KCNQ5: variants seen among roughly 807,000 people sequenced by gnomAD.
The protein encoded by KCNQ5 is potassium voltage-gated channel subfamily Q member 5.
In KCNQ5, 30 loss-of-function variants were observed where a neutral mutation model predicts 98.2. The ratio of observed to expected loss-of-function variants is 0.31; its 90% CI spans 0.23 to 0.41. The LOEUF is 0.41. Among genes scored for constraint, KCNQ5 ranks in the 10% least tolerant of loss-of-function variants. The pLI, the probability that KCNQ5 is intolerant of heterozygous loss-of-function variation, is 1.00. For missense variants in KCNQ5, 835 were observed against 1,182.5 expected, an observed-to-expected ratio of 0.71 and a Z score of 4.31; for synonymous variants, 458 against 449.4, an observed-to-expected ratio of 1.02 and a Z score of -0.24.
In KCNQ5 at chr6:72,847,604, C is replaced by T. The variant is rs79341614; in HGVS notation, c.399-156304C>T. 4.3e-3 allele frequency among the ~76,000 whole-genome samples: 650 copies of T among 152,290 alleles called. 3 individuals are homozygous for T. The highest frequency in any genetic ancestry group is 6.4e-3 in the Non-Finnish European group (432 of 68,024). On this transcript the variant is annotated intron_variant, in intron 1 of 13. Transcript: ENST00000370398. ...GTCTTTCAAAACCCCGTTAGATCTC[C>T]CCAGAGCCTCTATTTCCTCTCCCAA...
chr6:73,168,082 G>A (rs568493366), intron 10 of KCNQ5, among the ~76,000 whole-genome samples: 4 of 152,326 alleles, frequency 2.6e-5, no homozygotes, highest in Admixed American at 2.6e-4. Flanking sequence ...TCGAAGAAGA[G>A]CTGTGAAGAT....
At chr6:72,774,664 A>C (rs544546681) in intron 1 of KCNQ5, among the ~76,000 whole-genome samples, 1 of 152,212 alleles carries the variant, frequency 6.6e-6, no homozygotes, top group African/African-American at 2.4e-5. Context: ...ACAATCCAAC[A>C]GCAAAAAACA....
chr6:73,126,629 T>C (rs979746061), intron 9 of KCNQ5, among the ~76,000 whole-genome samples: 1 of 152,144 alleles, frequency 6.6e-6, no homozygotes, highest in Non-Finnish European at 1.5e-5. Context: ...TTTAAATATG[T>C]ACAAAACCAC....
chr6:72,799,031 G>GT (rs1370793439), intron 1 of KCNQ5, among the ~76,000 whole-genome samples: 1 of 152,096 alleles, frequency 6.6e-6, no homozygotes, highest in Non-Finnish European at 1.5e-5. Flanking sequence ...AAAGAGTGGT[G>GT]TATCAGCCAG....
At chr6:72,860,537 C>T (rs936489866) in intron 1 of KCNQ5, among the ~76,000 whole-genome samples, 8 of 151,956 alleles carry the variant, frequency 5.3e-5, no homozygotes, top group Non-Finnish European at 1.0e-4. Flanking sequence ...TGAGACAATT[C>T]GTGGAAAACA....
intron 5 of KCNQ5, among the ~76,000 whole-genome samples, chr6:73,087,927 C>T (rs1774057300): frequency 6.6e-6 from 1 of 152,060 alleles, no homozygotes; most frequent in Non-Finnish European, 1.5e-5. Flanking sequence ...AGAGCAACCA[C>T]TTTCTCAGTG....
intron 1 of KCNQ5, among the ~76,000 whole-genome samples, chr6:72,849,113 C>T (rs1220112155): frequency 8.0e-6 from 1 of 124,928 alleles, no homozygotes; most frequent in African/African-American, 3.3e-5. Flanking sequence ...CGTATGTACA[C>T]ATACACACAC....
At chr6:72,760,713 C>T (rs1772225842) in intron 1 of KCNQ5, among the ~76,000 whole-genome samples, 1 of 152,044 alleles carries the variant, frequency 6.6e-6, no homozygotes, top group Non-Finnish European at 1.5e-5. Flanking sequence ...AAGACTTCTA[C>T]CCATTTTCTA....
intron 1 of KCNQ5, among the ~76,000 whole-genome samples, chr6:72,672,115 C>T (rs953016870): frequency 8.7e-5 from 13 of 149,646 alleles, no homozygotes; most frequent in African/African-American, 2.9e-4. Flanking sequence ...GACGCCTGGC[C>T]TAATTTTTTT....
intron 1 of KCNQ5, among the ~76,000 whole-genome samples, chr6:72,831,055 C>T (rs563309653): frequency 7.9e-5 from 12 of 152,098 alleles, no homozygotes; most frequent in Admixed American, 3.3e-4. Context: ...GTTAGAATGG[C>T]GATCATTAAA....
chr6:72,955,245 T>C (rs1457551515), intron 1 of KCNQ5, among the ~76,000 whole-genome samples: 3 of 152,178 alleles, frequency 2.0e-5, no homozygotes, highest in Non-Finnish European at 2.9e-5. Context: ...CATTGTGTAG[T>C]CTGAATAACC....
At chr6:73,088,514 T>C (rs946832783) in intron 5 of KCNQ5, among the ~76,000 whole-genome samples, 7 of 152,272 alleles carry the variant, frequency 4.6e-5, no homozygotes, top group Middle Eastern at 6.8e-3. Context: ...AATGTCTGTG[T>C]TTTTTGAGGT....
intron 1 of KCNQ5, among the ~76,000 whole-genome samples, chr6:72,978,168 C>A (rs1476277228): frequency 1.3e-5 from 2 of 152,212 alleles, no homozygotes; most frequent in African/African-American, 4.8e-5. Flanking sequence ...CTGTTGCACA[C>A]ATTGAATATA....
At chr6:73,074,640 T>A (rs890358091) in intron 3 of KCNQ5, among the ~76,000 whole-genome samples, 44 of 152,284 alleles carry the variant, frequency 2.9e-4, no homozygotes, top group Admixed American at 4.6e-4. Flanking sequence ...TGAGTTTTTT[T>A]AAAAATGAAT....
chr6:73,123,782 A>C (rs1251955434), intron 8 of KCNQ5, among the ~76,000 whole-genome samples: 1 of 152,136 alleles, frequency 6.6e-6, no homozygotes, highest in East Asian at 1.9e-4. Flanking sequence ...GTACCTTAAG[A>C]AGTGGGGATT....
At chr6:72,906,282 G>A (rs1414653638) in intron 1 of KCNQ5, among the ~76,000 whole-genome samples, 1 of 152,262 alleles carries the variant, frequency 6.6e-6, no homozygotes, top group East Asian at 1.9e-4. Context: ...TTTCCAGGCA[G>A]CGGGCAAGCA....
chr6:72,722,363 C>T (rs982886319), intron 1 of KCNQ5, among the ~76,000 whole-genome samples: 1 of 152,180 alleles, frequency 6.6e-6, no homozygotes, highest in Non-Finnish European at 1.5e-5. Flanking sequence ...ATTTCCCCTT[C>T]TCTGAAGTTC....
At chr6:72,927,813 A>G (rs1045296219) in intron 1 of KCNQ5, among the ~76,000 whole-genome samples, 6 of 152,168 alleles carry the variant, frequency 3.9e-5, no homozygotes, top group East Asian at 1.9e-4. Flanking sequence ...TTTATAGGTG[A>G]CCAATACAAA....
chr6:72,788,022 A>G (rs898415121), intron 1 of KCNQ5, among the ~76,000 whole-genome samples: 1 of 152,116 alleles, frequency 6.6e-6, no homozygotes, highest in Admixed American at 6.5e-5. Context: ...TTACATTCCA[A>G]TTGCTGCTTT....
Sources: gnomAD v4.1 joint callset for allele counts (sites outside exome capture counted in the v4.1 genomes callset) on GRCh38, gnomAD v4.1.1 for gene constraint, MANE v1.5 for transcripts, NCBI Gene and HGNC (gene_info 2026-07-23, HGNC 2026-07-21) for gene names.